ARHGEF37: variants seen among roughly 807,000 people sequenced by gnomAD.
The protein encoded by ARHGEF37 is Rho guanine nucleotide exchange factor 37, also known as Rho guanine nucleotide exchange factor (GEF) 37.
In ARHGEF37, 55 loss-of-function variants were observed where a neutral mutation model predicts 71.1. The ratio of observed to expected loss-of-function variants is 0.77; its 90% CI spans 0.62 to 0.97. ARHGEF37 has a LOEUF of 0.97. ARHGEF37 is among the 50% of genes least tolerant of loss of function. The pLI, the probability that ARHGEF37 is intolerant of heterozygous loss-of-function variation, is 0.00. For missense variants in ARHGEF37, 765 were observed against 836.8 expected (o/e 0.91, Z 1.06); for synonymous variants, 327 against 350.6 (o/e 0.93, Z 0.75).
chr5:149,613,180 A>G (rs1370186708), intron 4 of ARHGEF37, among the ~76,000 whole-genome samples: 1 of 152,218 alleles, frequency 6.6e-6, no homozygotes, highest in East Asian at 1.9e-4. Flanking sequence ...TAAATATAAA[A>G]GCAACATATG....
In ARHGEF37 at chr5:149,570,704, C is replaced by T. The variant is rs189680775; in HGVS notation, c.-12+18581C>T. 4.7e-3 allele frequency among the ~76,000 whole-genome samples: 712 copies of T among 150,788 alleles called. 5 individuals are homozygous for T. The highest frequency in any genetic ancestry group is 0.017 in the African/African-American group (683 of 41,136). On this transcript the variant is annotated intron_variant, in intron 1 of 2. Transcript: ENST00000505810. ...CACCCTGGCCAATATGGTGAAACCCCGTCTCTACTAAAATTACAAAAATTA... is the reference window on the plus strand; with the variant it reads ...CACCCTGGCCAATATGGTGAAACCCTGTCTCTACTAAAATTACAAAAATTA...
chr5:149,589,342 T>TAATA (rs70973530), intron 1 of ARHGEF37, among the ~76,000 whole-genome samples: 3 of 152,058 alleles, frequency 2.0e-5, no homozygotes, highest in African/African-American at 7.2e-5. Context: ...ATTAATTAAT[T>TAATA]TATAAGACAG....
intron 1 of ARHGEF37, 107 bp downstream of exon 1, chr5:149,581,731 A>T (rs1279468552): frequency 6.6e-6 from 1 of 152,344 alleles, no homozygotes; most frequent in Non-Finnish European, 1.5e-5. Flanking sequence ...ACAGAAAGGC[A>T]GGATGCGACG....
chr5:149,627,667 A>G (rs1257283187), intron 11 of ARHGEF37, among the ~76,000 whole-genome samples: 1 of 152,238 alleles, frequency 6.6e-6, no homozygotes, highest in Non-Finnish European at 1.5e-5. Context: ...CTACACCGCC[A>G]GAAGTCTGAT....
intron 3 of ARHGEF37, among the ~76,000 whole-genome samples, chr5:149,602,059 C>CTT (rs3073461): frequency 7.0e-6 from 1 of 143,270 alleles, no homozygotes; most frequent in Non-Finnish European, 1.5e-5. Context: ...TCTTTTCTTT[C>CTT]TTTTTTTTTT....
intron 1 of ARHGEF37, among the ~76,000 whole-genome samples, chr5:149,585,762 G>A (rs1374386191): frequency 2.6e-5 from 4 of 152,132 alleles, no homozygotes; most frequent in African/African-American, 7.2e-5. Context: ...CAAGTGATCC[G>A]CCTGCCTTGG....
Position 149,621,945 on chromosome 5 carries a change from C to A in ARHGEF37, c.1218C>A (p.Leu406=), listed in dbSNP as rs1241954695. The change falls in exon 9 of 13, where the codon CTC becomes CTA. Residue 406 remains leucine (L), a synonymous_variant. Coordinates refer to ENST00000333677, the MANE Select transcript of ARHGEF37 (RefSeq NM_001001669.3). ...TCAACTCGCTGCTAGTGGCTGAGCT[C>A]CCACAGTTTAACCAGCTGGTCATGC... is the stretch of plus-strand genomic sequence containing the variant. ...QALNSLLVAE[L]PQFNQLVMQW... 3 of 1,614,110 alleles carry A rather than the reference C, an allele frequency of 1.9e-6. No homozygotes were observed. Among genetic ancestry groups the A allele is most frequent in the African/African-American group, 1.3e-5 (1 of 74,934 alleles).
At chr5:149,582,505 A>G (rs1763130750) in intron 1 of ARHGEF37, among the ~76,000 whole-genome samples, 1 of 152,178 alleles carries the variant, frequency 6.6e-6, no homozygotes, top group Admixed American at 6.5e-5. Flanking sequence ...TGTCTGCTTC[A>G]TCCTCCAGGT....
At chr5:149,609,062 G>T (rs1350440564) in intron 3 of ARHGEF37, among the ~76,000 whole-genome samples, 5 of 152,160 alleles carry the variant, frequency 3.3e-5, no homozygotes, top group African/African-American at 1.2e-4. Context: ...GCATGAGCCT[G>T]TAATCCCAGC....
At position 149,586,661 on chromosome 5, in the gene ARHGEF37, C is replaced by A. The variant is rs147567219; in HGVS notation, c.-12+5037C>A. Among the ~76,000 whole-genome samples, 325 of 152,330 alleles carry A rather than the reference C, an allele frequency of 2.1e-3. 1 individual carries two copies. Among genetic ancestry groups the A allele is most frequent in the African/African-American group, 7.5e-3 (311 of 41,574 alleles). ...GGAGAAAGGTGGTGGAGGTTTAGACCCAGATGGTCTCAGAGTTGGAAAGCA... is the reference window on the plus strand; with the variant it reads ...GGAGAAAGGTGGTGGAGGTTTAGACACAGATGGTCTCAGAGTTGGAAAGCA... On this transcript the variant is annotated intron_variant, in intron 1 of 12. Coordinates refer to ENST00000333677, the MANE Select transcript of ARHGEF37 (RefSeq NM_001001669.3).
chr5:149,624,569 T>C (rs765454698), intron 10 of ARHGEF37, among the ~76,000 whole-genome samples: 1 of 152,084 alleles, frequency 6.6e-6, no homozygotes. Context: ...AGGCCAAGAG[T>C]TCGAGACCAG....
chr5:149,587,850 C>G (rs1580894537), intron 1 of ARHGEF37, among the ~76,000 whole-genome samples: 1 of 151,134 alleles, frequency 6.6e-6, no homozygotes, highest in Non-Finnish European at 1.5e-5. Context: ...GCCAGGGTCC[C>G]TATGTGCACA....
At position 149,587,748 on chromosome 5, in the gene ARHGEF37, A is replaced by C. The variant is rs550931407; in HGVS notation, c.-12+6124A>C. 2.8e-4 allele frequency among the ~76,000 whole-genome samples: 43 copies of C among 152,202 alleles called. No homozygotes were observed. The South Asian group carries it at 7.3e-3, about 26-fold the overall frequency. On this transcript the variant is annotated intron_variant, in intron 1 of 12. Coordinates refer to ENST00000333677, the MANE Select transcript of ARHGEF37 (RefSeq NM_001001669.3). ...TTATCCTTATAATTTTGTTGATTCC[A>C]GCTCTTTTGGGGGTTTTAGAGTTCT...
intron 3 of ARHGEF37, among the ~76,000 whole-genome samples, chr5:149,605,300 C>T (rs111605134): frequency 6.6e-6 from 1 of 151,232 alleles, no homozygotes; most frequent in Non-Finnish European, 1.5e-5. Flanking sequence ...CAAGTAGCTA[C>T]ATTAAGAAAA....
At chr5:149,559,374 CTG>C (rs1762799757) in intron 1 of ARHGEF37, among the ~76,000 whole-genome samples, 1 of 152,146 alleles carries the variant, frequency 6.6e-6, no homozygotes, top group African/African-American at 2.4e-5. Flanking sequence ...GTTTTGAGAT[CTG>C]TGTTTTTCAT....
intron 11 of ARHGEF37, 148 bp from the exon 12 acceptor site, chr5:149,628,661 A>AGG: frequency 2.0e-6 from 2 of 1,021,290 alleles, no homozygotes; most frequent in Non-Finnish European, 2.8e-6. Flanking sequence ...AGTGTGGGGC[A>AGG]GGGGGGTTCA....
chr5:149,612,223 A>T lies in ARHGEF37; in HGVS notation c.458+2528A>T, dbSNP rs561120040. Among the ~76,000 whole-genome samples the T allele has an allele frequency of 2.6e-5, 4 of 152,254 alleles. No individual in the cohort carries two copies. In the South Asian group the frequency reaches 8.3e-4, roughly 32 times the overall value. On this transcript the variant is annotated intron_variant, in intron 4 of 12. Transcript: ENST00000333677. Reference sequence around the variant, plus strand: ...CGCTCTGTCGCCCAGGCTGGAGTGCAGTGGCGCGATCTCGGCCCACTGCAA... The same window carrying T: ...CGCTCTGTCGCCCAGGCTGGAGTGCTGTGGCGCGATCTCGGCCCACTGCAA...
At chr5:149,620,313 G>A (rs1031465370) in intron 7 of ARHGEF37, 41 bp from the exon 8 acceptor site, 24 of 1,413,458 alleles carry the variant, frequency 1.7e-5, no homozygotes, top group Non-Finnish European at 2.1e-5. Context: ...AGATGGCCAT[G>A]ACAGGCATGA....
chr5:149,609,826 C>T (rs958943825), intron 4 of ARHGEF37, 131 bp downstream of exon 4: 3 of 1,266,900 alleles, frequency 2.4e-6, no homozygotes, highest in African/African-American at 3.0e-5. Context: ...CTGTGTTAGT[C>T]AGGATAGGGC....
Sources: allele counts gnomAD v4.1 joint callset (sites outside exome capture counted in the v4.1 genomes callset), GRCh38; gene constraint gnomAD v4.1.1; transcripts MANE v1.5; gene names NCBI Gene and HGNC (gene_info 2026-07-23, HGNC 2026-07-21).